NRIP1: variants seen among roughly 807,000 people sequenced by gnomAD.
NRIP1 encodes the protein nuclear receptor interacting protein 1, also known as nuclear receptor-interacting protein 1.
In NRIP1, 28 loss-of-function variants were observed where a neutral mutation model predicts 75.0. The ratio of observed to expected loss-of-function variants is 0.37; its 90% CI spans 0.28 to 0.51. The LOEUF (loss-of-function observed/expected upper bound fraction) is 0.51, where lower values mean the gene tolerates loss of function less well. NRIP1 is among the 20% of genes least tolerant of loss of function. NRIP1 has a pLI of 0.92. For missense variants in NRIP1, 1,435 were observed against 1,343.7 expected (o/e 1.07, Z -1.06); for synonymous variants, 526 against 487.6 (o/e 1.08, Z -1.04).
At chr21:15,020,301 C>T (rs977808279) in intron 2 of NRIP1, among the ~76,000 whole-genome samples, 2 of 152,132 alleles carry the variant, frequency 1.3e-5, no homozygotes, top group African/African-American at 4.8e-5. Flanking sequence ...AACTCCCATT[C>T]ATAGTCATTT....
At chr21:14,975,803 G>T (rs1212616862) in intron 3 of NRIP1, among the ~76,000 whole-genome samples, 1 of 151,880 alleles carries the variant, frequency 6.6e-6, no homozygotes, top group Non-Finnish European at 1.5e-5. Context: ...TTAAAGGACA[G>T]TTGGGAATAA....
At chr21:14,979,853 T>C (rs1437065898) in intron 3 of NRIP1, among the ~76,000 whole-genome samples, 1 of 151,468 alleles carries the variant, frequency 6.6e-6, no homozygotes, top group East Asian at 2.0e-4. Context: ...CCTGTATATA[T>C]ATATGCTTGC....
intron 2 of NRIP1, among the ~76,000 whole-genome samples, chr21:15,016,452 C>T (rs1033563969): frequency 1.3e-5 from 2 of 152,160 alleles, no homozygotes; most frequent in Admixed American, 6.5e-5. Context: ...CCCATCTTCC[C>T]GTTATCAACA....
Position 14,962,806 on chromosome 21 carries a change from A to AGG in NRIP1, c.*1908_*1909dup, listed in dbSNP as rs1476968948. Reference sequence around the variant, plus strand: ...TCATTCTGAGGAAAAATAACCATTTAGGGTTTTAGATCATATTAGGAAATC... The same window carrying AGG: ...TCATTCTGAGGAAAAATAACCATTTAGGGGGTTTTAGATCATATTAGGAAATC... On this transcript the variant is annotated 3_prime_UTR_variant, in exon 4 of 4. Transcript: ENST00000318948. 6.6e-6 allele frequency: 1 copy of AGG among 152,482 alleles called. No homozygotes were observed. The highest frequency in any genetic ancestry group is 1.5e-5 in the Non-Finnish European group (1 of 67,948). 9.4% of individuals were successfully genotyped at this position (152,482 alleles called of 1,614,324 possible). A position where few individuals can be genotyped will look rare whatever the true frequency, so the allele number is the denominator to read the frequency against.
intron 3 of NRIP1, among the ~76,000 whole-genome samples, chr21:14,999,878 T>A (rs1327080232): frequency 6.6e-6 from 1 of 152,242 alleles, no homozygotes; most frequent in Non-Finnish European, 1.5e-5. Context: ...TTCTCTATAG[T>A]TTAATGTACC....
intron 1 of NRIP1, among the ~76,000 whole-genome samples, chr21:15,054,255 T>G (rs1285246933): frequency 6.6e-6 from 1 of 152,214 alleles, no homozygotes; most frequent in Non-Finnish European, 1.5e-5. Flanking sequence ...GATTTCCACC[T>G]TACCAAGCCG....
At chr21:14,971,102 C>G (rs2086892951) in intron 3 of NRIP1, among the ~76,000 whole-genome samples, 1 of 152,168 alleles carries the variant, frequency 6.6e-6, no homozygotes, top group Admixed American at 6.5e-5. Flanking sequence ...AAAATCATTT[C>G]TTACATATGA....
intron 1 of NRIP1, among the ~76,000 whole-genome samples, chr21:15,058,543 C>G (rs2089354159): frequency 2.0e-5 from 3 of 152,170 alleles, no homozygotes; most frequent in South Asian, 2.1e-4. Flanking sequence ...TCATTACACT[C>G]TGTTAAACAC....
chr21:15,044,456 T>C (rs2089026611), intron 1 of NRIP1, among the ~76,000 whole-genome samples: 1 of 151,800 alleles, frequency 6.6e-6, no homozygotes, highest in Admixed American at 6.6e-5. Flanking sequence ...GAAACTTTAT[T>C]TTGGTCAACA....
At chr21:14,994,061 T>TATTG (rs1176137415) in intron 3 of NRIP1, among the ~76,000 whole-genome samples, 3 of 152,158 alleles carry the variant, frequency 2.0e-5, no homozygotes, top group African/African-American at 7.2e-5. Flanking sequence ...ACAATAAGCG[T>TATTG]ATTGATTCCT....
At chr21:15,045,256 TTATTA>T (rs2089045200) in intron 1 of NRIP1, among the ~76,000 whole-genome samples, 1 of 152,130 alleles carries the variant, frequency 6.6e-6, no homozygotes, top group Non-Finnish European at 1.5e-5. Context: ...TACTCAGGCA[TTATTA>T]ATACAAGTCT....
chr21:15,064,549 G>T (rs1978681059), intron 1 of NRIP1, among the ~76,000 whole-genome samples, 196 bp downstream of exon 1: 2 of 151,646 alleles, frequency 1.3e-5, no homozygotes, highest in African/African-American at 2.4e-5. Context: ...CCGCCGCCCC[G>T]GCCCCCCGCG....
At chr21:14,982,241 T>A (rs1046667045) in intron 3 of NRIP1, among the ~76,000 whole-genome samples, 1 of 152,196 alleles carries the variant, frequency 6.6e-6, no homozygotes, top group Non-Finnish European at 1.5e-5. Flanking sequence ...TTCCCTTGAT[T>A]TCAATTATCA....
At chr21:15,045,466 T>G (rs1600921061) in intron 1 of NRIP1, among the ~76,000 whole-genome samples, 1 of 152,244 alleles carries the variant, frequency 6.6e-6, no homozygotes, top group African/African-American at 2.4e-5. Flanking sequence ...TACCTTAGTA[T>G]AAAAATACTT....
At chr21:15,039,650 T>G (rs1187066979) in intron 2 of NRIP1, among the ~76,000 whole-genome samples, 1 of 152,112 alleles carries the variant, frequency 6.6e-6, no homozygotes, top group Non-Finnish European at 1.5e-5. Context: ...AACTTCCCTA[T>G]TTTATTAAAT....
At chr21:15,004,409 C>T (rs964538193) in intron 3 of NRIP1, among the ~76,000 whole-genome samples, 2 of 152,216 alleles carry the variant, frequency 1.3e-5, no homozygotes, top group Non-Finnish European at 2.9e-5. Flanking sequence ...ACATAATACA[C>T]ATAAAGAAAA....
At chr21:14,989,053 C>T (rs2822995) in intron 3 of NRIP1, among the ~76,000 whole-genome samples, 44,173 of 151,970 alleles carry the variant, frequency 0.29, 7,562 homozygotes, top group African/African-American at 0.47. Flanking sequence ...CGCTGCATGC[C>T]TCTAACAAGT....
At chr21:14,971,627 C>T (rs1467679438) in intron 3 of NRIP1, 1 of 152,174 alleles carries the variant, frequency 6.6e-6, no homozygotes. Flanking sequence ...ATCTTCTCCT[C>T]ATGCTACTTC....
intron 3 of NRIP1, among the ~76,000 whole-genome samples, chr21:14,979,177 T>TTG (rs1229882288): frequency 6.6e-6 from 1 of 152,172 alleles, no homozygotes; most frequent in African/African-American, 2.4e-5. Context: ...AATACAAAAT[T>TTG]AACAGAGAGT....
Sources: gnomAD v4.1 joint callset for allele counts (sites outside exome capture counted in the v4.1 genomes callset) on GRCh38, gnomAD v4.1.1 for gene constraint, MANE v1.5 for transcripts, NCBI Gene and HGNC (gene_info 2026-07-23, HGNC 2026-07-21) for gene names.